Variants in AFF3 observed in about 807,000 individuals in gnomAD.
The protein encoded by AFF3 is ALF transcription elongation factor 3.
AFF3 carries 32 observed loss-of-function variants against 129.7 expected under a neutral mutation model. The observed-to-expected ratio is 0.25, with a 90% CI of 0.19 to 0.33. AFF3 has a LOEUF of 0.33. Among genes scored for constraint, AFF3 ranks in the 10% least tolerant of loss-of-function variants. The pLI is 1.00. For synonymous variants in AFF3, 644 were observed against 635.4 expected (o/e 1.01, Z -0.20); for missense variants, 1,373 against 1,592.0 (o/e 0.86, Z 2.34).
chr2:99,657,770 G>A (rs553292962), intron 12 of AFF3, among the ~76,000 whole-genome samples: 8 of 152,164 alleles, frequency 5.3e-5, no homozygotes, highest in Middle Eastern at 3.4e-3. Context: ...AACATTTATT[G>A]AGCACCTAGT....
At position 99,994,409 on chromosome 2, in the gene AFF3, ATGTT is replaced by A. The variant is rs1680648924; in HGVS notation, c.873+12219_873+12222del. On this transcript the variant is annotated intron_variant, in intron 7 of 24. Coordinates refer to ENST00000672756, the MANE Select transcript of AFF3 (RefSeq NM_001386135.1). ...TCATCTCTGAAATGAAGCTCAATTC[ATGTT>A]TGTTAGTTTTTTTTCCAGATGGTGG... is the stretch of plus-strand genomic sequence containing the variant. 2.6e-5 allele frequency among the ~76,000 whole-genome samples: 4 copies of A among 152,326 alleles called. No individual in the cohort carries two copies. In the South Asian group the frequency reaches 8.3e-4, roughly 32 times the overall value.
intron 8 of AFF3, among the ~76,000 whole-genome samples, chr2:99,757,738 C>T (rs950172482): frequency 3.9e-5 from 6 of 152,196 alleles, no homozygotes; most frequent in African/African-American, 1.4e-4. Context: ...GAATATACCA[C>T]GCTTTGCACA....
At chr2:99,820,658 T>C (rs1309076659) in intron 8 of AFF3, among the ~76,000 whole-genome samples, 1 of 149,608 alleles carries the variant, frequency 6.7e-6, no homozygotes, top group Non-Finnish European at 1.5e-5. Context: ...TTTTGACTCT[T>C]TTGTAATAAC....
chr2:100,056,069 A>T (rs963139423), intron 4 of AFF3, among the ~76,000 whole-genome samples: 1 of 140,492 alleles, frequency 7.1e-6, no homozygotes, highest in East Asian at 2.0e-4. Flanking sequence ...TCTCTCACAC[A>T]CACACACACA....
At chr2:99,564,980 C>T (rs1010649002) in intron 20 of AFF3, among the ~76,000 whole-genome samples, 19 of 152,138 alleles carry the variant, frequency 1.2e-4, no homozygotes, top group African/African-American at 3.9e-4. Context: ...TGCCTTGACA[C>T]GTCTGCTCAC....
At chr2:100,090,270 G>A (rs1689741643) in intron 4 of AFF3, among the ~76,000 whole-genome samples, 1 of 149,762 alleles carries the variant, frequency 6.7e-6, no homozygotes, top group Non-Finnish European at 1.5e-5. Context: ...TTTATAAATT[G>A]TATTGCTGTA....
chr2:99,608,394 C>G (rs1471669870), intron 13 of AFF3, among the ~76,000 whole-genome samples: 1 of 152,144 alleles, frequency 6.6e-6, no homozygotes, highest in East Asian at 1.9e-4. Flanking sequence ...CAGCCCTTAC[C>G]ACGTTAAGGA....
In AFF3 at chr2:100,124,668, G is replaced by A. The variant is rs1337524618; in HGVS notation, c.-145+4556C>T. Among the ~76,000 whole-genome samples the A allele has an allele frequency of 2.0e-5, 3 of 151,512 alleles. No individual in the cohort carries two copies. In the East Asian group the frequency reaches 5.8e-4, roughly 30 times the overall value. On this transcript the variant is annotated intron_variant, in intron 2 of 24. Transcript: ENST00000672756. ...CCAGTACAGGTGGAGCAGAAGGGGG[G>A]AGATGGGGGGGTGTATCAGGTCTTC... is the stretch of plus-strand genomic sequence containing the variant.
intron 8 of AFF3, among the ~76,000 whole-genome samples, chr2:99,752,726 A>G (rs974066684): frequency 3.9e-5 from 6 of 152,236 alleles, no homozygotes; most frequent in Non-Finnish European, 8.8e-5. Flanking sequence ...AGTTATTTAT[A>G]CAATTAGAAA....
chr2:99,998,696 A>G (rs1559043902), intron 7 of AFF3, among the ~76,000 whole-genome samples: 1 of 152,222 alleles, frequency 6.6e-6, no homozygotes, highest in African/African-American at 2.4e-5. Context: ...ACAAATACAC[A>G]GAGCTCAGGA....
intron 14 of AFF3, among the ~76,000 whole-genome samples, chr2:99,597,714 C>T (rs1679427693): frequency 6.6e-6 from 1 of 152,260 alleles, no homozygotes; most frequent in Non-Finnish European, 1.5e-5. Flanking sequence ...AGGGGAACCT[C>T]AGGCTGCAGA....
intron 13 of AFF3, among the ~76,000 whole-genome samples, chr2:99,620,166 G>A (rs908284982): frequency 6.6e-6 from 1 of 152,148 alleles, no homozygotes; most frequent in Non-Finnish European, 1.5e-5. Flanking sequence ...CTGAGACTCC[G>A]GGAGAGAGGC....
intron 1 of AFF3, among the ~76,000 whole-genome samples, chr2:100,138,344 T>C (rs1306511280): frequency 6.6e-6 from 1 of 152,216 alleles, no homozygotes; most frequent in African/African-American, 2.4e-5. Flanking sequence ...TGAGGTCATA[T>C]CTGTCACTGT....
At chr2:100,025,229 C>T (rs1025712088) in intron 4 of AFF3, among the ~76,000 whole-genome samples, 4 of 152,032 alleles carry the variant, frequency 2.6e-5, no homozygotes, top group Non-Finnish European at 5.9e-5. Flanking sequence ...CTAGACCATT[C>T]AGTAGCTCTC....
At chr2:100,044,619 T>C (rs1685688965) in intron 4 of AFF3, among the ~76,000 whole-genome samples, 2 of 152,178 alleles carry the variant, frequency 1.3e-5, no homozygotes, top group African/African-American at 4.8e-5. Context: ...CTTCGTGGGC[T>C]AGACAGATGC....
Position 99,993,792 on chromosome 2 carries a change from CTTTTTTTTTTTTTTTT to C in AFF3, c.873+12824_873+12839del, listed in dbSNP as rs751882272. On this transcript the variant is annotated intron_variant, in intron 7 of 24. Transcript: ENST00000672756. ...CAAGTAATGTGTACAAACACTTTAT[CTTTTTTTTTTTTTTTT>C]TTTTTTTTTTTTTTGAGACGGAGTT... Among the ~76,000 whole-genome samples, 15 of 72,546 alleles carry C rather than the reference CTTTTTTTTTTTTTTTT, an allele frequency of 2.1e-4. No individual in the cohort carries two copies. The East Asian group carries it at 4.8e-3, about 23-fold the overall frequency. The allele number at this position is 72,546 out of a possible 152,430, so 47.6% of individuals were successfully genotyped here. A position where few individuals can be genotyped will look rare whatever the true frequency, so the allele number is the denominator to read the frequency against.
At chr2:99,563,197 T>C (rs1675635530) in intron 20 of AFF3, among the ~76,000 whole-genome samples, 1 of 151,578 alleles carries the variant, frequency 6.6e-6, no homozygotes, top group Non-Finnish European at 1.5e-5. Flanking sequence ...TTCTTTTTTT[T>C]TTTTCTTTCT....
intron 8 of AFF3, among the ~76,000 whole-genome samples, chr2:99,828,293 G>C (rs1379295097): frequency 6.6e-6 from 1 of 152,174 alleles, no homozygotes; most frequent in Non-Finnish European, 1.5e-5. Context: ...CTCCAGCGGG[G>C]AATAAGTTAC....
At chr2:99,766,393 TAGG>T (rs1683024018) in intron 8 of AFF3, among the ~76,000 whole-genome samples, 1 of 152,232 alleles carries the variant, frequency 6.6e-6, no homozygotes, top group African/African-American at 2.4e-5. Context: ...GGCATTGCCC[TAGG>T]ACAGCAGGGA....
Sources: gnomAD v4.1 joint callset for allele counts (sites outside exome capture counted in the v4.1 genomes callset) on GRCh38, gnomAD v4.1.1 for gene constraint, MANE v1.5 for transcripts, NCBI Gene and HGNC (gene_info 2026-07-23, HGNC 2026-07-21) for gene names.